Variants in ABCB7 observed in about 807,000 individuals in gnomAD.
ABCB7 encodes the protein iron-sulfur clusters transporter ABCB7, mitochondrial.
A neutral mutation model predicts 54.4 loss-of-function variants in ABCB7; 7 were observed. The observed-to-expected ratio is 0.13, with a 90% CI of 0.07 to 0.24. ABCB7 has a LOEUF of 0.24. Among genes scored for constraint, ABCB7 ranks in the 10% least tolerant of loss-of-function variants. ABCB7 has a pLI of 1.00. For missense variants in ABCB7, 356 were observed against 570.4 expected, an observed-to-expected ratio of 0.62 and a Z score of 3.83; for synonymous variants, 218 against 207.1, an observed-to-expected ratio of 1.05 and a Z score of -0.45.
chrX:75,124,675 T>C (rs982453068), intron 1 of ABCB7, among the ~76,000 whole-genome samples: 1 of 111,529 alleles, frequency 9.0e-6, no homozygotes, highest in Non-Finnish European at 1.9e-5. Flanking sequence ...ATATTAAGAG[T>C]GAATATACCA....
At chrX:75,112,554 G>GCACACA (rs1222039716) in intron 3 of ABCB7, among the ~76,000 whole-genome samples, 3 of 111,312 alleles carry the variant, frequency 2.7e-5, no homozygotes, top group African/African-American at 9.8e-5. Context: ...TGAAGCACAC[G>GCACACA]CACACACACA....
At chrX:75,099,244 A>T (rs755876384) in intron 3 of ABCB7, among the ~76,000 whole-genome samples, 183 bp from the exon 4 acceptor site, 124 of 112,129 alleles carry the variant, frequency 1.1e-3, no homozygotes, top group African/African-American at 3.7e-3. Flanking sequence ...TATTTCAATT[A>T]CTTTAAAAAA....
chrX:75,120,698 T>C (rs1273960796), intron 1 of ABCB7, among the ~76,000 whole-genome samples: 1 of 111,712 alleles, frequency 9.0e-6, no homozygotes, highest in Non-Finnish European at 1.9e-5. Flanking sequence ...TTGACTGGAA[T>C]GGCATGCTTT....
chrX:75,102,181 T>C (rs2081645892), intron 3 of ABCB7, among the ~76,000 whole-genome samples: 1 of 111,031 alleles, frequency 9.0e-6, no homozygotes, highest in African/African-American at 3.3e-5. Flanking sequence ...ATCATTTCTA[T>C]GGGTTGGGAA....
At chrX:75,108,582 A>G (rs1462165068) in intron 3 of ABCB7, among the ~76,000 whole-genome samples, 1 of 91,140 alleles carries the variant, frequency 1.1e-5, no homozygotes, top group Non-Finnish European at 2.1e-5. Flanking sequence ...TTAGATCCAG[A>G]AAAAAAAAAA....
chrX:75,081,765 T>A (rs987104869), intron 4 of ABCB7, among the ~76,000 whole-genome samples: 1 of 111,762 alleles, frequency 8.9e-6, no homozygotes, highest in South Asian at 3.8e-4. Flanking sequence ...CTACAACTGA[T>A]AGAAGCTATA....
intron 4 of ABCB7, among the ~76,000 whole-genome samples, chrX:75,094,050 A>ATATCTATC (rs201456786): frequency 2.0e-4 from 4 of 20,478 alleles, no homozygotes; most frequent in African/African-American, 2.8e-4. Context: ...ATATATATAT[A>ATATCTATC]TATCTATCTT....
intron 13 of ABCB7, among the ~76,000 whole-genome samples, chrX:75,063,658 T>G (rs770711666): frequency 9.0e-6 from 1 of 111,315 alleles, no homozygotes; most frequent in Admixed American, 9.6e-5. Context: ...AGGACTAGTT[T>G]TGAAGTGCCT....
At chrX:75,099,136 T>A in intron 3 of ABCB7, 75 bp from the exon 4 acceptor site, 1 of 1,065,569 alleles carries the variant, frequency 9.4e-7, no homozygotes, top group South Asian at 2.0e-5. Context: ...AACGTAGAAT[T>A]TATATATTTG....
chrX:75,073,041 T>A (rs1476751480), intron 8 of ABCB7, among the ~76,000 whole-genome samples: 1 of 109,805 alleles, frequency 9.1e-6, no homozygotes, highest in African/African-American at 3.3e-5. Flanking sequence ...TACCTCCACA[T>A]CTCGTTTTAC....
rs778181536 is a variant in ABCB7 at position 75,075,394 on chromosome X, T to C, written c.823A>G (p.Met275Val). 5.8e-6 allele frequency: 7 copies of C among 1,209,544 alleles called. No homozygotes were observed. The South Asian group carries it at 1.2e-4, about 21-fold the overall frequency. Reference sequence around the variant, plus strand: ...CCACTGACAAGCATCACTTCAAACATGATGGGAAGAAGATTAAATACCAAA... The same window carrying C: ...CCACTGACAAGCATCACTTCAAACACGATGGGAAGAAGATTAAATACCAAA... ...SALVFNLLPI[M>V]FEVMLVSGVL... The change falls in exon 6 of 16, where the codon ATG (methionine) becomes GTG (valine). Residue 275 changes from methionine to valine, a missense_variant. Met to Val is a conservative substitution (Grantham distance 21). Coordinates refer to ENST00000373394, the MANE Select transcript of ABCB7 (RefSeq NM_001271696.3).
Position 75,156,266 on chromosome X carries a change from G to A in ABCB7, c.7C>T (p.Leu3=). 3.3e-6 allele frequency: 4 copies of A among 1,204,004 alleles called. No individual in the cohort carries two copies. Among genetic ancestry groups the A allele is most frequent in the Non-Finnish European group, 4.5e-6 (4 of 891,866 alleles). The change falls in exon 1 of 16, where the codon CTG becomes TTG. Residue 3 remains leucine, a synonymous_variant. Coordinates refer to ENST00000373394, the MANE Select transcript of ABCB7 (RefSeq NM_001271696.3). ...CAGCGCCAAGAATGCATCGCGAGCAGCGCCATCTTGAGCGAGGAAAGAGGA... is the reference window on the plus strand; with the variant it reads ...CAGCGCCAAGAATGCATCGCGAGCAACGCCATCTTGAGCGAGGAAAGAGGA... MA[L]LAMHSWRWAA... is the part of the protein sequence containing the mutation.
intron 3 of ABCB7, among the ~76,000 whole-genome samples, chrX:75,105,903 CAATA>C (rs2081695971): frequency 9.0e-6 from 1 of 111,548 alleles, no homozygotes; most frequent in Non-Finnish European, 1.9e-5. Flanking sequence ...ACAATCTATT[CAATA>C]AATACTGCTG....
chrX:75,096,741 A>G (rs1454489506), intron 4 of ABCB7, among the ~76,000 whole-genome samples: 2 of 108,363 alleles, frequency 1.8e-5, no homozygotes, highest in Non-Finnish European at 3.8e-5. Context: ...GATTATACCC[A>G]CTTTTGTTAA....
At chrX:75,115,794 G>C (rs904377344) in intron 1 of ABCB7, among the ~76,000 whole-genome samples, 3 of 107,513 alleles carry the variant, frequency 2.8e-5, no homozygotes, top group South Asian at 4.3e-4. Flanking sequence ...GTTGGGGGGG[G>C]GGGCACGGGG....
In ABCB7 at chrX:75,065,202, A is replaced by C. The variant is rs757039197; in HGVS notation, c.1699T>G (p.Leu567Val). 3.3e-6 allele frequency: 4 copies of C among 1,209,223 alleles called. No individual in the cohort carries two copies. The South Asian group carries it at 5.3e-5, about 16-fold the overall frequency. ...LFHNTIYYNL[L>V]YGNISASPEE... is the part of the protein sequence containing the mutation. ...GGTGAAGCACTGATGTTTCCATATAAGAGGTTGTAATAAATAGTATTATGG... is the reference window on the plus strand; with the variant it reads ...GGTGAAGCACTGATGTTTCCATATACGAGGTTGTAATAAATAGTATTATGG... The change falls in exon 13 of 16, where the codon TTA becomes GTA. Residue 567 changes from leucine to valine, a missense_variant. Coordinates refer to ENST00000373394, the MANE Select transcript of ABCB7 (RefSeq NM_001271696.3).
chrX:75,112,810 T>C (rs2081773581), intron 3 of ABCB7, 76 bp downstream of exon 3: 2 of 829,726 alleles, frequency 2.4e-6, no homozygotes, highest in East Asian at 6.3e-5. Flanking sequence ...TCTAGGATAT[T>C]ATAATCTTAA....
In ABCB7 at chrX:75,062,446, T is replaced by G; in HGVS notation, c.1832-15A>C. 2 of 1,175,210 alleles carry G rather than the reference T, an allele frequency of 1.7e-6. No homozygotes were observed. The highest frequency in any genetic ancestry group is 2.3e-6 in the Non-Finnish European group (2 of 862,932). On this transcript the variant is annotated splice_polypyrimidine_tract_variant and intron_variant, in intron 13 of 15. Coordinates refer to ENST00000373394, the MANE Select transcript of ABCB7 (RefSeq NM_001271696.3). ...CTTTTCTCCTCCTGGTAAAGGAAAA[T>G]TTTACTTTAAGGAAGCATAGTGCAT...
At chrX:75,130,067 C>T (rs1183549872) in intron 1 of ABCB7, among the ~76,000 whole-genome samples, 1 of 111,558 alleles carries the variant, frequency 9.0e-6, no homozygotes. Context: ...ATTCCTAACA[C>T]TACAGTACTG....
Sources: allele counts gnomAD v4.1 joint callset (sites outside exome capture counted in the v4.1 genomes callset), GRCh38; gene constraint gnomAD v4.1.1; transcripts MANE v1.5; gene names NCBI Gene and HGNC (gene_info 2026-07-23, HGNC 2026-07-21).